The following ST3GAL3 variants were observed in gnomAD, a reference collection of about 807,000 sequenced individuals.
ST3GAL3 encodes the protein CMP-N-acetylneuraminate-beta-1,4-galactoside alpha-2,3-sialyltransferase.
Under a neutral mutation model 50.1 loss-of-function variants are expected in ST3GAL3, and 21 were observed. The observed-to-expected ratio is 0.42, with a 90% CI of 0.30 to 0.60. ST3GAL3 has a LOEUF of 0.60. Ranked by LOEUF, ST3GAL3 falls within the 20% of genes least tolerant of loss-of-function variation. ST3GAL3 has a pLI of 0.19. For synonymous variants in ST3GAL3, 183 were observed against 190.0 expected (o/e 0.96, Z 0.30); for missense variants, 353 against 489.4 (o/e 0.72, Z 2.63).
chr1:43,899,644 G>C lies in ST3GAL3; in HGVS notation c.661G>C (p.Glu221Gln). ...CGCCATGCAGCGGCCTGAGCAGTACGAGCGCGATTCTCTCTTTGTCCTCGC... is the reference window on the plus strand; with the variant it reads ...CGCCATGCAGCGGCCTGAGCAGTACCAGCGCGATTCTCTCTTTGTCCTCGC... ...EGAMQRPEQY[E>Q]RDSLFVLAGF... Residue 221 changes from glutamate (E) to glutamine (Q), a missense_variant, in exon 9 of 12, where the codon GAG becomes CAG. Transcript: ENST00000347631. The surrounding 1 kb of genome is among the most constrained non-coding windows in gnomAD (Gnocchi z 5.4). The C allele has an allele frequency of 1.9e-6, 3 of 1,614,148 alleles. No individual in the cohort carries two copies. Among genetic ancestry groups the C allele is most frequent in the Non-Finnish European group, 2.5e-6 (3 of 1,180,036 alleles).
chr1:43,773,581 CAGAT>C (rs990666175), intron 2 of ST3GAL3, among the ~76,000 whole-genome samples: 8 of 152,094 alleles, frequency 5.3e-5, no homozygotes, highest in African/African-American at 1.4e-4. Flanking sequence ...AGATGATAGA[CAGAT>C]AGGTAGATAG....
intron 5 of ST3GAL3, among the ~76,000 whole-genome samples, chr1:43,864,428 C>G (rs1038342914): frequency 6.6e-6 from 1 of 152,122 alleles, no homozygotes; most frequent in African/African-American, 2.4e-5. Context: ...CCTGTGCTGC[C>G]TATTGGAGGA....
intron 1 of ST3GAL3, among the ~76,000 whole-genome samples, chr1:43,710,677 G>C (rs933982207): frequency 3.3e-5 from 5 of 152,196 alleles, no homozygotes; most frequent in African/African-American, 1.2e-4. Context: ...TGCTGTTTGT[G>C]CTCTGTATCT....
chr1:43,715,529 T>A (rs1666944135), intron 1 of ST3GAL3, among the ~76,000 whole-genome samples: 3 of 150,560 alleles, frequency 2.0e-5, no homozygotes, highest in Admixed American at 2.0e-4. Context: ...TGAGCCGAGA[T>A]CATGCCACTA....
At chr1:43,775,128 C>T in intron 2 of ST3GAL3, among the ~76,000 whole-genome samples, 1 of 152,072 alleles carries the variant, frequency 6.6e-6, no homozygotes, top group Non-Finnish European at 1.5e-5. Context: ...CCATGAGTAC[C>T]TTGTATATCA....
intron 2 of ST3GAL3, among the ~76,000 whole-genome samples, chr1:43,759,716 A>G (rs1046005404): frequency 6.6e-6 from 1 of 152,262 alleles, no homozygotes; most frequent in African/African-American, 2.4e-5. Context: ...GCACAAGTCA[A>G]ATCAGTAGCA....
intron 2 of ST3GAL3, among the ~76,000 whole-genome samples, chr1:43,760,550 T>C (rs1199407397): frequency 6.6e-6 from 1 of 152,146 alleles, no homozygotes; most frequent in Admixed American, 6.5e-5. Context: ...AGTCAGGAGA[T>C]CGGGACCATC....
At chr1:43,927,348 CA>C (rs1241320111) in intron 11 of ST3GAL3, among the ~76,000 whole-genome samples, 1 of 152,088 alleles carries the variant, frequency 6.6e-6, no homozygotes, top group African/African-American at 2.4e-5. Flanking sequence ...CAAACCAAAA[CA>C]AAAAACTTCA....
intron 2 of ST3GAL3, among the ~76,000 whole-genome samples, chr1:43,780,907 T>C (rs1699160914): frequency 2.0e-5 from 3 of 152,190 alleles, no homozygotes; most frequent in Admixed American, 2.0e-4. Context: ...AGCAAATACT[T>C]TCCTCTAATG....
intron 5 of ST3GAL3, among the ~76,000 whole-genome samples, chr1:43,857,586 C>CCCTCCCTCCCTT (rs2068794998): frequency 2.3e-5 from 2 of 86,040 alleles, no homozygotes; most frequent in African/African-American, 1.2e-4. Context: ...CTTCCTCCCT[C>CCCTCCCTCCCTT]CCTTCCTTCC....
At chr1:43,721,599 T>C (rs546560110) in intron 1 of ST3GAL3, among the ~76,000 whole-genome samples, 59 of 150,904 alleles carry the variant, frequency 3.9e-4, no homozygotes, top group African/African-American at 1.4e-3. Context: ...CCACTGTGCC[T>C]GGCTCTTTTT....
At chr1:43,913,360 T>C (rs1164871979) in intron 9 of ST3GAL3, 1 of 152,192 alleles carries the variant, frequency 6.6e-6, no homozygotes, top group Non-Finnish European at 1.5e-5. Flanking sequence ...ATCTGGGAAG[T>C]AGGTCTTCTC....
At chr1:43,902,546 A>G (rs2078464857) in intron 9 of ST3GAL3, among the ~76,000 whole-genome samples, 1 of 152,204 alleles carries the variant, frequency 6.6e-6, no homozygotes, top group Admixed American at 6.5e-5. Flanking sequence ...CTCACTGGAC[A>G]GTGGCACTGA....
intron 2 of ST3GAL3, among the ~76,000 whole-genome samples, chr1:43,764,707 G>A (rs1435751357): frequency 6.6e-6 from 1 of 152,222 alleles, no homozygotes; most frequent in Non-Finnish European, 1.5e-5. Context: ...TGAGAGAGCT[G>A]TGCCTTTACA....
chr1:43,915,042 G>A (rs189707059), intron 9 of ST3GAL3, among the ~76,000 whole-genome samples: 1 of 152,368 alleles, frequency 6.6e-6, no homozygotes, highest in East Asian at 1.9e-4. Flanking sequence ...CAGCCTGACT[G>A]GGGCTGAAAC....
chr1:43,740,982 A>G (rs1385262576), intron 2 of ST3GAL3, among the ~76,000 whole-genome samples: 2 of 152,070 alleles, frequency 1.3e-5, no homozygotes, highest in Admixed American at 6.6e-5. Flanking sequence ...ATTCATTTCT[A>G]ATTAATAAAG....
chr1:43,861,273 G>T (rs1475330855), intron 5 of ST3GAL3, among the ~76,000 whole-genome samples: 1 of 152,158 alleles, frequency 6.6e-6, no homozygotes, highest in East Asian at 1.9e-4. Flanking sequence ...CCATCTCATG[G>T]GCATTTATGG....
chr1:43,922,867 C>T (rs898868931), intron 11 of ST3GAL3, among the ~76,000 whole-genome samples: 3 of 150,104 alleles, frequency 2.0e-5, no homozygotes, highest in African/African-American at 4.9e-5. Flanking sequence ...TTTGGGAGGC[C>T]GAGGTGGGTG....
chr1:43,878,113 C>T (rs1311961586), intron 5 of ST3GAL3, among the ~76,000 whole-genome samples: 2 of 152,216 alleles, frequency 1.3e-5, no homozygotes, highest in African/African-American at 4.8e-5. Flanking sequence ...CTCGCCTCTT[C>T]TGCCTCTGGC....
Sources: allele counts gnomAD v4.1 joint callset (sites outside exome capture counted in the v4.1 genomes callset), GRCh38; gene constraint gnomAD v4.1.1; non-coding constraint Gnocchi (gnomAD v3.1); transcripts MANE v1.5; gene names NCBI Gene and HGNC (gene_info 2026-07-23, HGNC 2026-07-21).